Variants in ELAVL2 observed in about 807,000 individuals in gnomAD.
The protein encoded by ELAVL2 is ELAV-like protein 2.
ELAVL2 carries 4 observed loss-of-function variants against 34.6 expected under a neutral mutation model. The observed-to-expected ratio is 0.12, with a 90% CI of 0.06 to 0.26. The LOEUF (loss-of-function observed/expected upper bound fraction) is 0.26. Ranked by LOEUF, ELAVL2 falls within the 10% of genes least tolerant of loss-of-function variation. ELAVL2 has a pLI of 1.00. For missense variants in ELAVL2, 432 were observed against 442.8 expected (o/e 0.98, Z 0.22); for synonymous variants, 193 against 154.8 (o/e 1.25, Z -1.83).
At chr9:23,733,289 T>A (rs1381950774) in intron 2 of ELAVL2, among the ~76,000 whole-genome samples, 1 of 152,050 alleles carries the variant, frequency 6.6e-6, no homozygotes, top group Admixed American at 6.5e-5. Context: ...TATGTGTATA[T>A]GAGATGAGAT....
intron 2 of ELAVL2, among the ~76,000 whole-genome samples, chr9:23,732,182 T>G (rs2046738835): frequency 6.6e-6 from 1 of 152,150 alleles, no homozygotes; most frequent in South Asian, 2.1e-4. Context: ...TTGCATCAAT[T>G]TCATAGGGAA....
chr9:23,745,689 T>TAAGCATA (rs1350864232), intron 2 of ELAVL2, among the ~76,000 whole-genome samples: 2 of 152,178 alleles, frequency 1.3e-5, no homozygotes, highest in African/African-American at 4.8e-5. Context: ...CATACACATG[T>TAAGCATA]CCCTACATGG....
intron 1 of ELAVL2, among the ~76,000 whole-genome samples, chr9:23,771,765 T>C (rs2057347226): frequency 1.3e-5 from 2 of 152,218 alleles, no homozygotes; most frequent in African/African-American, 2.4e-5. Flanking sequence ...GGATGAAGAT[T>C]AGATTAAGTC....
chr9:23,823,426 C>A (rs1225684684), intron 1 of ELAVL2, among the ~76,000 whole-genome samples: 1 of 152,130 alleles, frequency 6.6e-6, no homozygotes, highest in African/African-American at 2.4e-5. Flanking sequence ...TCTTCCAAAC[C>A]ACTTCTTCCT....
chr9:23,790,096 T>C (rs1195257385), intron 1 of ELAVL2, among the ~76,000 whole-genome samples: 1 of 148,232 alleles, frequency 6.7e-6, no homozygotes, highest in Non-Finnish European at 1.5e-5. Flanking sequence ...TTTCAACAAA[T>C]GACAAATTTT....
the ELAVL2 span, among the ~76,000 whole-genome samples, chr9:23,846,109 T>A: frequency 6.6e-6 from 1 of 151,818 alleles, no homozygotes; most frequent in African/African-American, 2.4e-5. Context: ...ACAAAAAAGA[T>A]CAAAATTAGA....
intron 1 of ELAVL2, among the ~76,000 whole-genome samples, chr9:23,800,702 T>G (rs146179829): frequency 1.3e-5 from 2 of 152,140 alleles, no homozygotes; most frequent in African/African-American, 2.4e-5. Flanking sequence ...ATTAGAAAAT[T>G]TGACTTACTT....
intron 3 of ELAVL2, among the ~76,000 whole-genome samples, chr9:23,712,852 A>G (rs1273552956): frequency 6.6e-6 from 1 of 152,240 alleles, no homozygotes; most frequent in Non-Finnish European, 1.5e-5. Context: ...TGATCCTATG[A>G]CATTGTTAAA....
At chr9:23,720,713 A>T (rs555672022) in intron 3 of ELAVL2, among the ~76,000 whole-genome samples, 1 of 151,428 alleles carries the variant, frequency 6.6e-6, no homozygotes, top group African/African-American at 2.4e-5. Context: ...GTAACCGACA[A>T]ATGAAAATCC....
Position 23,740,342 on chromosome 9 carries a change from G to A in ELAVL2, c.230-9217C>T, listed in dbSNP as rs572999111. Reference sequence around the variant, plus strand: ...TATCCATTTTACGGACATAAAGTTGGAGGTTCAAAGATGCTAAGTTAACTT... The same window carrying A: ...TATCCATTTTACGGACATAAAGTTGAAGGTTCAAAGATGCTAAGTTAACTT... On this transcript the variant is annotated intron_variant, in intron 2 of 6. Coordinates refer to ENST00000397312, the MANE Select transcript of ELAVL2 (RefSeq NM_004432.5). 2.8e-3 allele frequency among the ~76,000 whole-genome samples: 429 copies of A among 152,286 alleles called. 2 individuals carry two copies. The highest frequency in any genetic ancestry group is 4.7e-3 in the Non-Finnish European group (317 of 68,028).
chr9:23,797,102 T>C (rs1434078750), intron 1 of ELAVL2, among the ~76,000 whole-genome samples: 1 of 152,148 alleles, frequency 6.6e-6, no homozygotes, highest in Non-Finnish European at 1.5e-5. Context: ...GTACAATAGC[T>C]ACCATCTGCC....
intron 1 of ELAVL2, among the ~76,000 whole-genome samples, chr9:23,809,174 T>G (rs2062643006): frequency 6.6e-6 from 1 of 152,266 alleles, no homozygotes; most frequent in South Asian, 2.1e-4. Context: ...GTGCATAGCC[T>G]GTTGGCCAAT....
intron 1 of ELAVL2, among the ~76,000 whole-genome samples, chr9:23,783,826 C>A (rs34060467): frequency 6.6e-6 from 1 of 152,074 alleles, no homozygotes; most frequent in Admixed American, 6.6e-5. Context: ...CAGAGAAAAG[C>A]CATGTGCACT....
intron 1 of ELAVL2, among the ~76,000 whole-genome samples, chr9:23,790,267 G>C (rs888083604): frequency 6.6e-6 from 1 of 151,932 alleles, no homozygotes; most frequent in Admixed American, 6.6e-5. Context: ...AAAAAGAGAG[G>C]GAATACAAAA....
At chr9:23,710,877 C>T in intron 3 of ELAVL2, among the ~76,000 whole-genome samples, 1 of 152,040 alleles carries the variant, frequency 6.6e-6, no homozygotes, top group East Asian at 1.9e-4. Context: ...TCGGACCTTC[C>T]AAAATGAGCT....
At chr9:23,724,898 A>G (rs1197366261) in intron 3 of ELAVL2, among the ~76,000 whole-genome samples, 2 of 152,110 alleles carry the variant, frequency 1.3e-5, no homozygotes, top group Non-Finnish European at 2.9e-5. Flanking sequence ...TGGATAAATA[A>G]CAGTTATTAG....
At chr9:23,750,368 A>G (rs1162070543) in intron 2 of ELAVL2, among the ~76,000 whole-genome samples, 1 of 152,030 alleles carries the variant, frequency 6.6e-6, no homozygotes, top group Non-Finnish European at 1.5e-5. Context: ...ACAATTCTGT[A>G]TTTTAATCCT....
chr9:23,692,515 T>G lies in ELAVL2; in HGVS notation c.*42A>C. ...AAAGTTTCTCTTAACTTGCCTTTGT[T>G]GTATAGTTTTCATATATAAATGGAC... On this transcript the variant is annotated 3_prime_UTR_variant, in exon 7 of 7. Coordinates refer to ENST00000397312, the MANE Select transcript of ELAVL2 (RefSeq NM_004432.5). 6.4e-7 allele frequency: 1 copy of G among 1,560,796 alleles called. No individual in the cohort carries two copies. The highest frequency in any genetic ancestry group is 8.7e-7 in the Non-Finnish European group (1 of 1,153,044).
chr9:23,739,234 G>A (rs146433032), intron 2 of ELAVL2, among the ~76,000 whole-genome samples: 3 of 152,288 alleles, frequency 2.0e-5, no homozygotes, highest in East Asian at 3.9e-4. Context: ...GAAAGTGACT[G>A]AGATAGTGTA....
Sources: gnomAD v4.1 joint callset for allele counts (sites outside exome capture counted in the v4.1 genomes callset) on GRCh38, gnomAD v4.1.1 for gene constraint, MANE v1.5 for transcripts, NCBI Gene and HGNC (gene_info 2026-07-23, HGNC 2026-07-21) for gene names.